Variants in NUF2 observed in about 807,000 individuals in gnomAD.
NUF2 encodes the protein kinetochore protein Nuf2.
Under a neutral mutation model 61.8 loss-of-function variants are expected in NUF2, and 34 were observed. That is an observed-to-expected ratio of 0.55 (90% CI 0.42 to 0.73). The LOEUF is 0.73. NUF2 is among the 30% of genes least tolerant of loss of function. NUF2 has a pLI of 0.00. For synonymous variants in NUF2, 172 were observed against 181.6 expected (o/e 0.95, Z 0.42); for missense variants, 445 against 539.1 (o/e 0.83, Z 1.73).
intron 13 of NUF2, among the ~76,000 whole-genome samples, chr1:163,352,009 A>G (rs1384422986): frequency 6.6e-6 from 1 of 152,070 alleles, no homozygotes; most frequent in African/African-American, 2.4e-5. Context: ...TACATTCAAC[A>G]TTTTCCCACA....
At chr1:163,345,340 C>G (rs948379589) in intron 10 of NUF2, among the ~76,000 whole-genome samples, 1 of 151,996 alleles carries the variant, frequency 6.6e-6, no homozygotes, top group South Asian at 2.1e-4. Flanking sequence ...ATGAGTAATA[C>G]GATTGATTGC....
At chr1:163,339,511 A>G (rs1336417173) in intron 8 of NUF2, 34 bp downstream of exon 8, 1 of 1,404,836 alleles carries the variant, frequency 7.1e-7, no homozygotes, top group Non-Finnish European at 1.0e-6. Context: ...ACTTTAAAAA[A>G]CAAAATTTGT....
intron 13 of NUF2, among the ~76,000 whole-genome samples, chr1:163,352,943 A>C (rs1472051390): frequency 6.6e-6 from 1 of 152,198 alleles, no homozygotes; most frequent in African/African-American, 2.4e-5. Context: ...CTTCCACATA[A>C]CTTTCTTTTA....
intron 5 of NUF2, among the ~76,000 whole-genome samples, chr1:163,330,253 G>A (rs1650551515): frequency 6.6e-6 from 1 of 152,194 alleles, no homozygotes. Context: ...CTCAGGTGAA[G>A]GAAGTTGGTG....
chr1:163,337,684 AG>A lies in NUF2; in HGVS notation c.436-335del, dbSNP rs1650809540. ...TCCCAGCCATTACCCAAGTTGGGTT[AG>A]ATGTCACTCTTGTTGGTTCCCATTA... is the stretch of plus-strand genomic sequence containing the variant. On this transcript the variant is annotated intron_variant, in intron 6 of 13. Coordinates refer to ENST00000271452, the MANE Select transcript of NUF2 (RefSeq NM_145697.3). Among the ~76,000 whole-genome samples, 5 of 152,182 alleles carry A rather than the reference AG, an allele frequency of 3.3e-5. No individual in the cohort carries two copies. The South Asian group carries it at 1.0e-3, about 32-fold the overall frequency.
At chr1:163,331,490 G>A (rs1650597915) in intron 5 of NUF2, among the ~76,000 whole-genome samples, 1 of 151,944 alleles carries the variant, frequency 6.6e-6, no homozygotes, top group Admixed American at 6.6e-5. Flanking sequence ...TGACTGATCT[G>A]AATATCAGGA....
At chr1:163,344,571 G>A (rs373571982) in intron 10 of NUF2, among the ~76,000 whole-genome samples, 1 of 144,288 alleles carries the variant, frequency 6.9e-6, no homozygotes, top group Admixed American at 7.4e-5. Context: ...CTGTGGGGTA[G>A]TGGGGAGTAA....
intron 13 of NUF2, among the ~76,000 whole-genome samples, chr1:163,353,757 T>C (rs999434412): frequency 1.3e-5 from 2 of 152,206 alleles, no homozygotes; most frequent in African/African-American, 4.8e-5. Flanking sequence ...CCATTAAACA[T>C]CTTGTGAGGG....
At chr1:163,333,131 G>A (rs1002875029) in intron 5 of NUF2, among the ~76,000 whole-genome samples, 3 of 152,100 alleles carry the variant, frequency 2.0e-5, no homozygotes, top group Non-Finnish European at 2.9e-5. Context: ...TTTGTTTTAT[G>A]TACCTTGAAG....
At chr1:163,348,488 C>T (rs964230446) in intron 12 of NUF2, among the ~76,000 whole-genome samples, 6 of 152,030 alleles carry the variant, frequency 3.9e-5, no homozygotes, top group East Asian at 3.8e-4. Context: ...CTAAAAGGTG[C>T]GTCAGAGATC....
At chr1:163,342,564 ATCTTT>A (rs1050826797) in intron 9 of NUF2, among the ~76,000 whole-genome samples, 17 of 152,160 alleles carry the variant, frequency 1.1e-4, no homozygotes, top group African/African-American at 3.4e-4. Flanking sequence ...AAAAGTAAGA[ATCTTT>A]TCTTTTAAGT....
In NUF2 at chr1:163,355,550, A is replaced by T. The variant is rs567153424; in HGVS notation, c.*81A>T. The T allele has an allele frequency of 1.0e-5, 12 of 1,194,440 alleles. No homozygotes were observed. In the Admixed American group the frequency reaches 3.0e-4, roughly 30 times the overall value. 74.0% of individuals were successfully genotyped at this position (1,194,440 alleles called of 1,614,324 possible). A position where few individuals can be genotyped will look rare whatever the true frequency, so the allele number is the denominator to read the frequency against. Reference sequence around the variant, plus strand: ...TAGAAAGAAAAGTTGAAGCGAATGGAAGTATCAGAAGTACCAAATAATGTT... The same window carrying T: ...TAGAAAGAAAAGTTGAAGCGAATGGTAGTATCAGAAGTACCAAATAATGTT... On this transcript the variant is annotated 3_prime_UTR_variant, in exon 14 of 14. Coordinates refer to ENST00000271452, the MANE Select transcript of NUF2 (RefSeq NM_145697.3).
At chr1:163,336,936 ACAG>A in intron 6 of NUF2, 88 bp downstream of exon 6, 1 of 837,536 alleles carries the variant, frequency 1.2e-6, no homozygotes, top group Non-Finnish European at 2.0e-6. Context: ...ATTGTCATAG[ACAG>A]CAAATTGCTG....
chr1:163,349,015 C>A lies in NUF2; in HGVS notation c.1195C>A (p.Gln399Lys), dbSNP rs767893534. Residue 399 changes from glutamine to lysine, a missense_variant, in exon 13 of 14, where the codon CAA (glutamine) becomes AAA (lysine). Gln to Lys is a moderately conservative substitution (Grantham distance 53, BLOSUM62 1). Transcript: ENST00000271452. Reference protein sequence around the residue: ...ERVTTINQEIQKIKLGIQQLK... With the variant: ...ERVTTINQEIKKIKLGIQQLK... The stretch of plus-strand genomic sequence containing the variant: ...AGTAACCACAATTAATCAAGAAATC[C>A]AAAAAATTAAACTTGGAATTCAACA... The A allele has an allele frequency of 2.5e-6, 4 of 1,611,288 alleles. No individual in the cohort carries two copies. The East Asian group carries it at 8.9e-5, about 36-fold the overall frequency.
chr1:163,344,342 G>C (rs890212183), intron 10 of NUF2, among the ~76,000 whole-genome samples: 1 of 151,816 alleles, frequency 6.6e-6, no homozygotes, highest in Non-Finnish European at 1.5e-5. Flanking sequence ...ATCAGAAAGA[G>C]GAAAGAAAGT....
At chr1:163,332,480 G>A (rs6674551) in intron 5 of NUF2, among the ~76,000 whole-genome samples, 63,177 of 151,898 alleles carry the variant, frequency 0.42, 13,518 homozygotes, top group South Asian at 0.59. Context: ...TTATTCTCCT[G>A]TAGTTCTAGT....
rs1399723385 is a variant in NUF2, at chr1:163,328,833, CT to C, written c.276-11del. 1 of 1,565,140 alleles carries C rather than the reference CT, an allele frequency of 6.4e-7. No individual in the cohort carries two copies. Among genetic ancestry groups the C allele is most frequent in the East Asian group, 2.2e-5 (1 of 44,524 alleles). On this transcript the variant is annotated splice_polypyrimidine_tract_variant and intron_variant, in intron 4 of 13. Transcript: ENST00000271452. ...AATACTTTTCAATAGTCTTTTTGTA[CT>C]TCATCTTCAAGGGACTCATTTTTGC...
intron 5 of NUF2, 38 bp downstream of exon 5, chr1:163,328,945 C>A (rs773334395): frequency 3.0e-5 from 33 of 1,088,898 alleles, no homozygotes; most frequent in Non-Finnish European, 4.0e-5. Context: ...TGTCTGGCTT[C>A]GATCTACCAT....
At chr1:163,332,417 T>C (rs1323486764) in intron 5 of NUF2, among the ~76,000 whole-genome samples, 2 of 152,186 alleles carry the variant, frequency 1.3e-5, no homozygotes, top group Non-Finnish European at 2.9e-5. Flanking sequence ...ATTTGTTCAC[T>C]ATGGTGGCTG....
Sources: allele counts gnomAD v4.1 joint callset (sites outside exome capture counted in the v4.1 genomes callset), GRCh38; gene constraint gnomAD v4.1.1; transcripts MANE v1.5; gene names NCBI Gene and HGNC (gene_info 2026-07-23, HGNC 2026-07-21).